Variants in FHOD3 observed in about 807,000 individuals in gnomAD.
FHOD3 encodes formin homology 2 domain containing 3.
FHOD3 carries 90 observed loss-of-function variants against 173.0 expected under a neutral mutation model. That is an observed-to-expected ratio of 0.52 (90% CI 0.44 to 0.62). The LOEUF is 0.62. FHOD3 is among the 20% of genes least tolerant of loss of function. The pLI is 0.00. For synonymous variants in FHOD3, 828 were observed against 823.0 expected (o/e 1.01, Z -0.10); for missense variants, 1,945 against 2,034.7 (o/e 0.96, Z 0.85).
chr18:36,512,562 T>C lies in FHOD3; in HGVS notation c.511+19T>C. The C allele has an allele frequency of 6.5e-7, 1 of 1,547,722 alleles. No homozygotes were observed. Among genetic ancestry groups the C allele is most frequent in the South Asian group, 1.1e-5 (1 of 89,560 alleles). On this transcript the variant is annotated intron_variant, in intron 5 of 28. Transcript: ENST00000590592. Reference sequence around the variant, plus strand: ...TTAAGGGGTAAGTCATGACTGGGCATGCAGCAGCTGCCCCAGCTGCAGGGG... The same window carrying C: ...TTAAGGGGTAAGTCATGACTGGGCACGCAGCAGCTGCCCCAGCTGCAGGGG...
Position 36,560,026 on chromosome 18 carries a change from A to G in FHOD3, c.512-16425A>G, listed in dbSNP as rs955499427. ...TAGGATCCCTGAAATCAAACTCCACATGCAGCAGACTTTTTTACATGCTTG... is the reference window on the plus strand; with the variant it reads ...TAGGATCCCTGAAATCAAACTCCACGTGCAGCAGACTTTTTTACATGCTTG... On this transcript the variant is annotated intron_variant, in intron 5 of 28. Transcript: ENST00000590592. Among the ~76,000 whole-genome samples the G allele has an allele frequency of 3.9e-5, 6 of 152,196 alleles. No homozygotes were observed. In the South Asian group the frequency reaches 1.2e-3, roughly 32 times the overall value.
At chr18:36,475,502 G>C (rs990819722) in intron 3 of FHOD3, among the ~76,000 whole-genome samples, 4 of 151,434 alleles carry the variant, frequency 2.6e-5, no homozygotes, top group African/African-American at 9.7e-5. Flanking sequence ...TGGGAGGTGG[G>C]GTGTGGTGGT....
intron 5 of FHOD3, among the ~76,000 whole-genome samples, chr18:36,562,638 G>A (rs1038749362): frequency 3.3e-5 from 5 of 152,188 alleles, no homozygotes; most frequent in Admixed American, 6.5e-5. Context: ...AGAGCAGGAC[G>A]TGGAATCTTA....
intron 16 of FHOD3, among the ~76,000 whole-genome samples, chr18:36,689,566 C>T (rs2038832161): frequency 6.6e-6 from 1 of 152,202 alleles, no homozygotes; most frequent in African/African-American, 2.4e-5. Context: ...TGCTACTTCT[C>T]ATCCTTTTAA....
intron 9 of FHOD3, among the ~76,000 whole-genome samples, chr18:36,624,698 G>T (rs1451128114): frequency 1.2e-4 from 1 of 8,644 alleles, no homozygotes; most frequent in Non-Finnish European, 6.6e-4. Flanking sequence ...AAAGGCAAAG[G>T]GTAAGAAAGA....
At chr18:36,544,531 C>G (rs869421) in intron 5 of FHOD3, 16,756 of 152,436 alleles carry the variant, frequency 0.11, 1,239 homozygotes, top group South Asian at 0.22. Flanking sequence ...GGCTGGGTGG[C>G]TGCAGACTCC....
At chr18:36,349,347 CAGGAGTAGAGGA>C (rs2046011336) in intron 1 of FHOD3, among the ~76,000 whole-genome samples, 1 of 152,180 alleles carries the variant, frequency 6.6e-6, no homozygotes, top group Non-Finnish European at 1.5e-5. Flanking sequence ...ACCCAGATTC[CAGGAGTAGAGGA>C]AGAATCTACC....
chr18:36,379,713 C>A (rs1598899791), intron 3 of FHOD3, among the ~76,000 whole-genome samples: 1 of 152,196 alleles, frequency 6.6e-6, no homozygotes, highest in Non-Finnish European at 1.5e-5. Flanking sequence ...AGGGAAACCA[C>A]CCTGGTTTTG....
intron 5 of FHOD3, among the ~76,000 whole-genome samples, chr18:36,563,560 A>G (rs1319056384): frequency 1.3e-5 from 2 of 152,200 alleles, no homozygotes; most frequent in Non-Finnish European, 2.9e-5. Flanking sequence ...TCCTAACCAT[A>G]CAGGATCCAG....
chr18:36,397,485 A>G (rs1672556247), intron 3 of FHOD3, among the ~76,000 whole-genome samples: 1 of 152,148 alleles, frequency 6.6e-6, no homozygotes, highest in African/African-American at 2.4e-5. Context: ...GGTTTTAGAT[A>G]CTAAAAACTA....
At chr18:36,349,752 T>C (rs1476043594) in intron 1 of FHOD3, among the ~76,000 whole-genome samples, 6 of 150,596 alleles carry the variant, frequency 4.0e-5, no homozygotes, top group Non-Finnish European at 9.0e-5. Flanking sequence ...TGTTTGGGTG[T>C]TTTTTCAGGA....
intron 18 of FHOD3, chr18:36,709,986 T>C (rs2040080821): frequency 6.6e-6 from 1 of 152,410 alleles, no homozygotes; most frequent in Non-Finnish European, 1.5e-5. Flanking sequence ...CTCATAACTA[T>C]TCTTTTCTTT....
chr18:36,723,476 C>T (rs1201035592), intron 19 of FHOD3, among the ~76,000 whole-genome samples: 1 of 152,200 alleles, frequency 6.6e-6, no homozygotes, highest in African/African-American at 2.4e-5. Flanking sequence ...ATAGTTGTCA[C>T]ATCTTTGTGA....
At chr18:36,404,855 T>C (rs1274240284) in intron 3 of FHOD3, among the ~76,000 whole-genome samples, 1 of 152,186 alleles carries the variant, frequency 6.6e-6, no homozygotes, top group East Asian at 1.9e-4. Flanking sequence ...TTTTTTTCAG[T>C]CCTTTTGGTT....
intron 24 of FHOD3, among the ~76,000 whole-genome samples, chr18:36,750,789 G>A (rs2042371179): frequency 1.3e-5 from 2 of 152,166 alleles, no homozygotes; most frequent in Admixed American, 1.3e-4. Context: ...AGATCAGATG[G>A]TCATAGGTGT....
chr18:36,709,499 C>T, intron 18 of FHOD3, 108 bp downstream of exon 18: 1 of 1,219,900 alleles, frequency 8.2e-7, no homozygotes, highest in South Asian at 1.6e-5. Context: ...TGACCTGGGT[C>T]AACCCACTCA....
chr18:36,515,590 C>T (rs1321385788), intron 5 of FHOD3, among the ~76,000 whole-genome samples: 3 of 152,240 alleles, frequency 2.0e-5, no homozygotes, highest in Admixed American at 1.3e-4. Flanking sequence ...GTTTAAGTCT[C>T]AGAACACTCA....
intron 1 of FHOD3, among the ~76,000 whole-genome samples, chr18:36,318,375 A>G (rs989102951): frequency 6.6e-6 from 1 of 152,158 alleles, no homozygotes; most frequent in Non-Finnish European, 1.5e-5. Context: ...ATGTTCTTCC[A>G]TTTGTTTGTG....
intron 9 of FHOD3, among the ~76,000 whole-genome samples, chr18:36,617,454 G>A (rs1015750306): frequency 2.0e-5 from 3 of 152,150 alleles, no homozygotes; most frequent in African/African-American, 7.2e-5. Flanking sequence ...ATGGATAACA[G>A]CTTGTTCATT....
Sources: gnomAD v4.1 joint callset for allele counts (sites outside exome capture counted in the v4.1 genomes callset) on GRCh38, gnomAD v4.1.1 for gene constraint, MANE v1.5 for transcripts, NCBI Gene and HGNC (gene_info 2026-07-23, HGNC 2026-07-21) for gene names.